Variants in MND1 observed in about 807,000 individuals in gnomAD.
The protein encoded by MND1 is meiotic nuclear division protein 1 homolog.
A neutral mutation model predicts 35.1 loss-of-function variants in MND1; 28 were observed. The ratio of observed to expected loss-of-function variants is 0.80; its 90% CI spans 0.59 to 1.09. The LOEUF (loss-of-function observed/expected upper bound fraction) is 1.09. Among genes scored for constraint, MND1 ranks in the 50% least tolerant of loss-of-function variants. MND1 has a pLI of 0.00. For synonymous variants in MND1, 69 were observed against 70.5 expected (o/e 0.98, Z 0.11); for missense variants, 213 against 239.6 (o/e 0.89, Z 0.73).
intron 1 of MND1, among the ~76,000 whole-genome samples, chr4:153,345,164 C>CG (rs1418367507): frequency 6.6e-6 from 1 of 152,062 alleles, no homozygotes; most frequent in East Asian, 1.9e-4. Flanking sequence ...GTGGTGTAGC[C>CG]CCCCCCATTA....
rs546958885 is a variant in MND1 at position 153,345,393 on chromosome 4, A to G, written c.3+653A>G. ...AACGCCCCGGTTTCTGCCAAAGGGC[A>G]GGAGTCGCTGCTCTTGTGCCGGGTG... On this transcript the variant is annotated intron_variant, in intron 1 of 7. Coordinates refer to ENST00000240488, the MANE Select transcript of MND1 (RefSeq NM_032117.4). The G allele has an allele frequency of 4.1e-6, 4 of 985,562 alleles. No individual in the cohort carries two copies. The African/African-American group carries it at 7.0e-5, about 17-fold the overall frequency. 61.1% of individuals were successfully genotyped at this position (985,562 alleles called of 1,614,324 possible). A position where few individuals can be genotyped will look rare whatever the true frequency, so the allele number is the denominator to read the frequency against.
chr4:153,349,363 A>T (rs78025727), intron 1 of MND1, among the ~76,000 whole-genome samples: 1 of 151,986 alleles, frequency 6.6e-6, no homozygotes, highest in Non-Finnish European at 1.5e-5. Flanking sequence ...ACTTAACGAA[A>T]ATGCAACTCT....
chr4:153,345,251 G>A (rs1299648246), intron 1 of MND1: 1 of 840,498 alleles, frequency 1.2e-6, no homozygotes, highest in African/African-American at 1.8e-5. Flanking sequence ...CGCACTCCTG[G>A]TTTGTCACCA....
At chr4:153,345,162 GC>G (rs1554008235) in intron 1 of MND1, among the ~76,000 whole-genome samples, 38 of 152,136 alleles carry the variant, frequency 2.5e-4, no homozygotes, top group African/African-American at 8.2e-4. Flanking sequence ...GCGTGGTGTA[GC>G]CCCCCCCATT....
At chr4:153,397,653 C>CAA (rs11392102) in intron 6 of MND1, among the ~76,000 whole-genome samples, 369 of 145,560 alleles carry the variant, frequency 2.5e-3, no homozygotes, top group Non-Finnish European at 4.1e-3. Flanking sequence ...CCCATCTCTA[C>CAA]AAAAAAAAAA....
At chr4:153,379,886 G>A (rs981856571) in intron 4 of MND1, among the ~76,000 whole-genome samples, 1 of 146,722 alleles carries the variant, frequency 6.8e-6, no homozygotes, top group Non-Finnish European at 1.5e-5. Flanking sequence ...ATCAGGTGTT[G>A]TGGCGCACAC....
At chr4:153,387,034 C>A (rs961551049) in intron 4 of MND1, among the ~76,000 whole-genome samples, 2 of 152,092 alleles carry the variant, frequency 1.3e-5, no homozygotes, top group African/African-American at 4.8e-5. Context: ...AGAATATATT[C>A]ATATAACAGG....
At chr4:153,354,660 A>G (rs1290383275) in intron 2 of MND1, among the ~76,000 whole-genome samples, 1 of 151,796 alleles carries the variant, frequency 6.6e-6, no homozygotes, top group African/African-American at 2.4e-5. Flanking sequence ...GCACTACCAC[A>G]CCCAGCTAAT....
At chr4:153,345,015 G>A (rs1036452377) in intron 1 of MND1, among the ~76,000 whole-genome samples, 5 of 152,242 alleles carry the variant, frequency 3.3e-5, no homozygotes, top group Non-Finnish European at 4.4e-5. Flanking sequence ...CTGTCCCCAG[G>A]GCCCGTTCGG....
At chr4:153,356,778 ATATTT>A (rs1200071428) in intron 3 of MND1, among the ~76,000 whole-genome samples, 2 of 151,556 alleles carry the variant, frequency 1.3e-5, no homozygotes, top group Non-Finnish European at 1.5e-5. Flanking sequence ...TTGGCCATGC[ATATTT>A]TATTTTATTT....
intron 6 of MND1, among the ~76,000 whole-genome samples, chr4:153,408,532 T>G (rs576241696): frequency 6.6e-6 from 1 of 152,284 alleles, no homozygotes; most frequent in African/African-American, 2.4e-5. Flanking sequence ...CCCTAAAATT[T>G]TTTTTAGAGT....
intron 4 of MND1, among the ~76,000 whole-genome samples, chr4:153,363,632 C>T (rs768775009): frequency 2.6e-5 from 4 of 151,956 alleles, no homozygotes; most frequent in Admixed American, 6.6e-5. Context: ...TGTAGGAGGA[C>T]AGTGGGAGAA....
chr4:153,347,606 A>G (rs1773105486), intron 1 of MND1, among the ~76,000 whole-genome samples: 1 of 152,208 alleles, frequency 6.6e-6, no homozygotes, highest in Non-Finnish European at 1.5e-5. Flanking sequence ...ACAAGTAAAC[A>G]TCTTTTCAAT....
intron 3 of MND1, among the ~76,000 whole-genome samples, chr4:153,357,607 A>G (rs1773379120): frequency 1.3e-5 from 2 of 152,194 alleles, no homozygotes; most frequent in African/African-American, 4.8e-5. Flanking sequence ...AAATCCATGT[A>G]TATAACTGGA....
At chr4:153,410,038 A>G (rs9999069) in intron 7 of MND1, among the ~76,000 whole-genome samples, 41,882 of 151,962 alleles carry the variant, frequency 0.28, 6,521 homozygotes, top group African/African-American at 0.42. Context: ...AATCCAAGCT[A>G]TTCTCCTTAC....
chr4:153,364,995 A>G (rs1440303169), intron 4 of MND1, among the ~76,000 whole-genome samples: 3 of 152,234 alleles, frequency 2.0e-5, no homozygotes, highest in Non-Finnish European at 4.4e-5. Context: ...TAGAGTAGTC[A>G]AACTTACAGA....
chr4:153,364,203 C>G (rs1361160544), intron 4 of MND1, among the ~76,000 whole-genome samples: 1 of 151,930 alleles, frequency 6.6e-6, no homozygotes, highest in Non-Finnish European at 1.5e-5. Context: ...GGTGGCTCCT[C>G]AAAGAGTTAT....
At chr4:153,413,416 A>G (rs62324677) in intron 7 of MND1, among the ~76,000 whole-genome samples, 3,541 of 152,312 alleles carry the variant, frequency 0.023, 62 homozygotes, top group Middle Eastern at 0.075. Flanking sequence ...ACGGTGGCTC[A>G]CACTTGTAAT....
At chr4:153,374,035 A>G (rs892686002) in intron 4 of MND1, among the ~76,000 whole-genome samples, 1 of 152,208 alleles carries the variant, frequency 6.6e-6, no homozygotes, top group Admixed American at 6.5e-5. Flanking sequence ...CTTCTTGACC[A>G]GCTGTACAAT....
Sources: gnomAD v4.1 joint callset for allele counts (sites outside exome capture counted in the v4.1 genomes callset) on GRCh38, gnomAD v4.1.1 for gene constraint, MANE v1.5 for transcripts, NCBI Gene and HGNC (gene_info 2026-07-23, HGNC 2026-07-21) for gene names.